Variants in SGO1 observed in about 807,000 individuals in gnomAD.
SGO1 encodes serologically defined breast cancer antigen NY-BR-85.
SGO1 carries 39 observed loss-of-function variants against 50.5 expected under a neutral mutation model. That is an observed-to-expected ratio of 0.77 (90% CI 0.60 to 1.01). The LOEUF (loss-of-function observed/expected upper bound fraction) is 1.01, where lower values mean the gene tolerates loss of function less well. Ranked by LOEUF, SGO1 falls within the 50% of genes least tolerant of loss-of-function variation. The pLI is 0.00. For missense variants in SGO1, 638 were observed against 606.0 expected (o/e 1.05, Z -0.55); for synonymous variants, 191 against 205.1 (o/e 0.93, Z 0.59).
chr3:20,184,264 A>C (rs920948039), intron 1 of SGO1, among the ~76,000 whole-genome samples: 4 of 152,214 alleles, frequency 2.6e-5, no homozygotes, highest in African/African-American at 7.2e-5. Flanking sequence ...TATTGAATAT[A>C]GATTTCCAAC....
chr3:20,183,279 A>G (rs1378082133), intron 3 of SGO1, among the ~76,000 whole-genome samples: 1 of 152,198 alleles, frequency 6.6e-6, no homozygotes, highest in Non-Finnish European at 1.5e-5. Context: ...CCACTTTTAC[A>G]TCTTTAGCTT....
intron 5 of SGO1, 54 bp downstream of exon 5, chr3:20,176,547 C>T: frequency 1.8e-6 from 2 of 1,089,020 alleles, no homozygotes; most frequent in Middle Eastern, 2.1e-4. Context: ...ATTATTTGTT[C>T]TCAAAGACCT....
At chr3:20,176,057 T>C (rs17797971) in intron 5 of SGO1, among the ~76,000 whole-genome samples, 1 of 152,110 alleles carries the variant, frequency 6.6e-6, no homozygotes, top group Non-Finnish European at 1.5e-5. Flanking sequence ...ATACTATCCT[T>C]CCTTCGACGT....
Position 20,169,596 on chromosome 3 carries a change from T to C in SGO1, c.*1108A>G. ...AACTTTCTAAACTGAACTAATTCGCTTTCATTGGTTGGTCAAAAATATGCA... is the reference window on the plus strand; with the variant it reads ...AACTTTCTAAACTGAACTAATTCGCCTTCATTGGTTGGTCAAAAATATGCA... On this transcript the variant is annotated 3_prime_UTR_variant, in exon 8 of 8. Coordinates refer to ENST00000412997, the MANE Select transcript of SGO1 (RefSeq NM_001199251.3). 1 of 985,286 alleles carries C rather than the reference T, an allele frequency of 1.0e-6. No homozygotes were observed. Among genetic ancestry groups the C allele is most frequent in the Non-Finnish European group, 1.2e-6 (1 of 829,800 alleles). The allele number at this position is 985,286 out of a possible 1,614,324, so 61.0% of individuals were successfully genotyped here.
Position 20,170,399 on chromosome 3 carries a change from C to CA in SGO1, c.*304dup, listed in dbSNP as rs574515660. ...GGCAACAAGAATGAAATTCCGCCTC[C>CA]AAAAAAAAAAAAAGATATATTTCGA... On this transcript the variant is annotated 3_prime_UTR_variant, in exon 8 of 8. Transcript: ENST00000412997. 0.089 allele frequency: 58,230 copies of CA among 653,648 alleles called. 1 individual carries two copies. Among genetic ancestry groups the CA allele is most frequent in the Non-Finnish European group, 0.096 (53,207 of 554,484 alleles). The allele number at this position is 653,648 out of a possible 1,614,324, so 40.5% of individuals were successfully genotyped here.
chr3:20,179,532 C>G (rs530901264), intron 3 of SGO1, among the ~76,000 whole-genome samples: 12 of 152,132 alleles, frequency 7.9e-5, no homozygotes, highest in Non-Finnish European at 1.3e-4. Flanking sequence ...ACAAGCAATC[C>G]TCCTACCTCA....
At chr3:20,169,294 T>C (rs1192328277), downstream of SGO1, 1 of 984,656 alleles carries the variant, frequency 1.0e-6, no homozygotes, top group Non-Finnish European at 1.2e-6. Context: ...AGGTTGAAAG[T>C]ATGGAGGGGA....
At chr3:20,174,056 C>A (rs1363429646) in intron 6 of SGO1, among the ~76,000 whole-genome samples, 193 bp downstream of exon 6, 1 of 152,154 alleles carries the variant, frequency 6.6e-6, no homozygotes, top group African/African-American at 2.4e-5. Context: ...TGAATTAGGT[C>A]AGAGCAATAC....
chr3:20,169,185 T>C (rs1700479510), downstream of SGO1: 5 of 985,178 alleles, frequency 5.1e-6, no homozygotes, highest in Non-Finnish European at 6.0e-6. Flanking sequence ...GCCAAGAAAA[T>C]CTGAGATATC....
rs1279323748 is a variant in SGO1, at chr3:20,183,730, A to G, written c.217T>C (p.Ser73Pro). The change falls in exon 3 of 8, where the codon TCC (serine) becomes CCC (proline). Residue 73 changes from serine to proline, a missense_variant. By Grantham distance (74) the Ser-to-Pro change is moderately conservative (BLOSUM62 -1). Coordinates refer to ENST00000412997, the MANE Select transcript of SGO1 (RefSeq NM_001199251.3). Reference protein sequence around the residue: ...MLVLALENEKSKVKEAQDIIL... With the variant: ...MLVLALENEKPKVKEAQDIIL... ...ATATCTTGGGCTTCTTTCACTTTGG[A>G]TTTTTCATTTTCCAAAGCTAAAACT... is the stretch of plus-strand genomic sequence containing the variant. 1 of 1,613,304 alleles carries G rather than the reference A, an allele frequency of 6.2e-7. No individual in the cohort carries two copies. The highest frequency in any genetic ancestry group is 1.7e-5 in the Admixed American group (1 of 59,878).
At chr3:20,175,563 G>A (rs937190762) in intron 5 of SGO1, among the ~76,000 whole-genome samples, 2 of 152,048 alleles carry the variant, frequency 1.3e-5, no homozygotes, top group African/African-American at 2.4e-5. Context: ...TTGGGAGGCC[G>A]AGGCGGGCAG....
upstream of SGO1, chr3:20,186,420 C>G (rs1702679926): frequency 6.6e-6 from 1 of 152,314 alleles, no homozygotes; most frequent in African/African-American, 2.4e-5. Flanking sequence ...TAATCAGAGT[C>G]GTGGGGATTT....
intron 3 of SGO1, 67 bp downstream of exon 3, chr3:20,183,541 A>G (rs1702261415): frequency 8.0e-7 from 1 of 1,250,878 alleles, no homozygotes; most frequent in African/African-American, 1.5e-5. Context: ...TAAATAACAT[A>G]ATTGATCTAA....
At chr3:20,170,996 C>A in intron 7 of SGO1, 47 bp downstream of exon 7, 1 of 1,524,072 alleles carries the variant, frequency 6.6e-7, no homozygotes, top group South Asian at 1.3e-5. Context: ...CCTTATTCCC[C>A]CCGACATGTA....
At position 20,174,926 on chromosome 3, in the gene SGO1, A is replaced by G. The variant is rs1229125486; in HGVS notation, c.605T>C (p.Ile202Thr). The G allele has an allele frequency of 6.8e-6, 11 of 1,613,966 alleles. No individual in the cohort carries two copies. Among genetic ancestry groups the G allele is most frequent in the Non-Finnish European group, 9.3e-6 (11 of 1,179,988 alleles). Residue 202 changes from isoleucine to threonine, a missense_variant, in exon 6 of 8, where the codon ATA becomes ACA. Transcript: ENST00000412997. ...ATCATCCAAGCTATCAAACTGACATATACTGTTACAATGTTTCTTTAAACT... is the reference window on the plus strand; with the variant it reads ...ATCATCCAAGCTATCAAACTGACATGTACTGTTACAATGTTTCTTTAAACT... ...RSSLKKHCNSICQFDSLDDFE... is the reference protein window; with the variant it reads ...RSSLKKHCNSTCQFDSLDDFE...
At chr3:20,177,713 AAATTGT>A (rs1701558587) in intron 4 of SGO1, among the ~76,000 whole-genome samples, 3 of 152,208 alleles carry the variant, frequency 2.0e-5, no homozygotes, top group African/African-American at 7.2e-5. Flanking sequence ...CAAACTCATC[AAATTGT>A]AACTGTGATC....
At chr3:20,167,265 G>C (rs1219556907), downstream of SGO1, among the ~76,000 whole-genome samples, 1 of 152,040 alleles carries the variant, frequency 6.6e-6, no homozygotes, top group Non-Finnish European at 1.5e-5. Context: ...CAAAATAAAT[G>C]CCATATGGTT....
In SGO1 at chr3:20,170,723, CT is replaced by C; in HGVS notation, c.1564del (p.Ser522ValfsTer2). The C allele has an allele frequency of 5.0e-6, 8 of 1,584,922 alleles. No individual in the cohort carries two copies. The Admixed American group carries it at 6.1e-5, about 12-fold the overall frequency. On this transcript the variant is annotated frameshift_variant, in exon 8 of 8. Coordinates refer to ENST00000412997, the MANE Select transcript of SGO1 (RefSeq NM_001199251.3). LOFTEE classifies it high-confidence loss of function. The stretch of plus-strand genomic sequence containing the variant: ...AAACCTTCATTGTATTTGTTTCATA[CT>C]TTTTTTAGAACGTCTCAAATCCTTT... The part of the protein sequence containing the change: ...QKKDLRRSKK[S>X]MKQIQ
chr3:20,178,583 G>A (rs921919334), intron 3 of SGO1, among the ~76,000 whole-genome samples: 3 of 152,166 alleles, frequency 2.0e-5, no homozygotes, highest in East Asian at 1.9e-4. Context: ...TTCAGATTGC[G>A]ATAAATGTCA....
Sources: allele counts gnomAD v4.1 joint callset (sites outside exome capture counted in the v4.1 genomes callset), GRCh38; gene constraint gnomAD v4.1.1; transcripts MANE v1.5; gene names NCBI Gene and HGNC (gene_info 2026-07-23, HGNC 2026-07-21).